KCNH5: variants seen among roughly 807,000 people sequenced by gnomAD.
KCNH5 encodes voltage-gated delayed rectifier potassium channel KCNH5.
Under a neutral mutation model 96.1 loss-of-function variants are expected in KCNH5, and 46 were observed. That is an observed-to-expected ratio of 0.48 (90% confidence interval 0.38 to 0.61). KCNH5 has a LOEUF of 0.61. Among genes scored for constraint, KCNH5 ranks in the 20% least tolerant of loss-of-function variants. KCNH5 has a pLI of 0.00. For synonymous variants in KCNH5, 439 were observed against 449.8 expected, an observed-to-expected ratio of 0.98 and a Z score of 0.30; for missense variants, 907 against 1,225.8, an observed-to-expected ratio of 0.74 and a Z score of 3.88.
At chr14:62,768,570 C>G (rs1366272786) in intron 10 of KCNH5, among the ~76,000 whole-genome samples, 1 of 152,096 alleles carries the variant, frequency 6.6e-6, no homozygotes. Context: ...AAACAAATGT[C>G]TCAAATAGAT....
chr14:62,922,065 TA>T (rs537107040), intron 7 of KCNH5, among the ~76,000 whole-genome samples: 26 of 152,278 alleles, frequency 1.7e-4, no homozygotes, highest in African/African-American at 5.8e-4. Flanking sequence ...TATCCTATGA[TA>T]TAATAATGCA....
intron 7 of KCNH5, among the ~76,000 whole-genome samples, chr14:62,936,599 TGG>T (rs1889684797): frequency 1.4e-5 from 2 of 143,738 alleles, no homozygotes; most frequent in Admixed American, 7.3e-5. Flanking sequence ...TGCTTCAACC[TGG>T]GAGGAGGAGG....
At chr14:62,725,616 G>C (rs571732503) in intron 10 of KCNH5, among the ~76,000 whole-genome samples, 11 of 152,174 alleles carry the variant, frequency 7.2e-5, no homozygotes, top group African/African-American at 2.7e-4. Flanking sequence ...ACAATTTTGA[G>C]AGTCAGCTGA....
chr14:62,961,665 G>C (rs1476510158), intron 6 of KCNH5, among the ~76,000 whole-genome samples: 1 of 152,122 alleles, frequency 6.6e-6, no homozygotes, highest in Non-Finnish European at 1.5e-5. Flanking sequence ...AACAGGACAT[G>C]ATGGACATGA....
intron 1 of KCNH5, among the ~76,000 whole-genome samples, chr14:63,019,515 T>C (rs1397012858): frequency 1.3e-5 from 2 of 151,974 alleles, no homozygotes; most frequent in Non-Finnish European, 2.9e-5. Flanking sequence ...TAAAACAAAA[T>C]GAGTTCAGAA....
intron 2 of KCNH5, 22 bp downstream of exon 2, chr14:63,016,809 A>T: frequency 6.3e-7 from 1 of 1,595,450 alleles, no homozygotes; most frequent in Non-Finnish European, 8.5e-7. Context: ...AGAAAAGATT[A>T]CTTAGCTATT....
chr14:63,038,037 C>T (rs1594687587), intron 1 of KCNH5, among the ~76,000 whole-genome samples: 1 of 152,144 alleles, frequency 6.6e-6, no homozygotes, highest in East Asian at 1.9e-4. Flanking sequence ...ACATGGGATC[C>T]ATTTCATATT....
At chr14:62,922,839 T>G (rs1889405083) in intron 7 of KCNH5, among the ~76,000 whole-genome samples, 1 of 152,134 alleles carries the variant, frequency 6.6e-6, no homozygotes, top group East Asian at 1.9e-4. Flanking sequence ...GCTAACATTA[T>G]ATTCAACGGT....
At position 62,708,155 on chromosome 14, in the gene KCNH5, G is replaced by C. The variant is rs1216576308; in HGVS notation, c.2320C>G (p.Leu774Val). 6.2e-7 allele frequency: 1 copy of C among 1,614,230 alleles called. No individual in the cohort carries two copies. Among genetic ancestry groups the C allele is most frequent in the South Asian group, 1.1e-5 (1 of 91,084 alleles). The change falls in exon 11 of 11, where the codon CTT becomes GTT. Residue 774 changes from leucine to valine, a missense_variant. This residue lies in a region of KCNH5 where 362 missense variants were observed against 394.4 expected (regional missense o/e 0.92). Coordinates refer to ENST00000322893, the MANE Select transcript of KCNH5 (RefSeq NM_139318.5). ...SLAYVKTSESLKQNNRDAMEL... is the reference protein window; with the variant it reads ...SLAYVKTSESVKQNNRDAMEL... ...ATGGCATCACGGTTGTTCTGCTTAA[G>C]GGATTCACTGGTTTTCACATAGGCC...
intron 7 of KCNH5, among the ~76,000 whole-genome samples, chr14:62,939,278 TCTC>T (rs1173946032): frequency 4.6e-5 from 7 of 152,188 alleles, no homozygotes; most frequent in African/African-American, 1.7e-4. Context: ...TGGGTTCTCT[TCTC>T]AGCCCCTCTG....
At chr14:62,956,960 T>C (rs1310876070) in intron 6 of KCNH5, among the ~76,000 whole-genome samples, 2 of 152,342 alleles carry the variant, frequency 1.3e-5, no homozygotes, top group East Asian at 3.9e-4. Flanking sequence ...GCTTTCTGCC[T>C]CTATCCCAGC....
At chr14:62,965,333 G>A (rs891440998) in intron 6 of KCNH5, among the ~76,000 whole-genome samples, 10 of 151,972 alleles carry the variant, frequency 6.6e-5, no homozygotes, top group African/African-American at 2.4e-4. Context: ...CATGGTAGTG[G>A]GTGAGTTCTC....
At chr14:62,860,221 C>A (rs1170254863) in intron 7 of KCNH5, among the ~76,000 whole-genome samples, 1 of 152,154 alleles carries the variant, frequency 6.6e-6, no homozygotes, top group East Asian at 1.9e-4. Context: ...GACGGCAGGG[C>A]CTTGCTCCAA....
chr14:62,727,759 A>T (rs1425455318), intron 10 of KCNH5, among the ~76,000 whole-genome samples: 1 of 147,532 alleles, frequency 6.8e-6, no homozygotes, highest in African/African-American at 2.5e-5. Context: ...AAATAACGAC[A>T]CTGCTTACAG....
At chr14:62,975,539 A>G (rs2139562011) in intron 6 of KCNH5, among the ~76,000 whole-genome samples, 1 of 152,220 alleles carries the variant, frequency 6.6e-6, no homozygotes, top group African/African-American at 2.4e-5. Context: ...AATAAAAGAC[A>G]ATAATAATTT....
intron 9 of KCNH5, among the ~76,000 whole-genome samples, chr14:62,791,738 A>G (rs1241840748): frequency 6.6e-6 from 1 of 151,734 alleles, no homozygotes; most frequent in Non-Finnish European, 1.5e-5. Context: ...CTGTAAATAT[A>G]TATGTACCCA....
intron 7 of KCNH5, among the ~76,000 whole-genome samples, chr14:62,928,291 G>A (rs892672611): frequency 2.8e-4 from 42 of 151,990 alleles, no homozygotes; most frequent in Non-Finnish European, 4.0e-4. Flanking sequence ...TTGGTGAGGT[G>A]CTGAAAAAGA....
chr14:62,720,599 G>T (rs747478456), intron 10 of KCNH5, among the ~76,000 whole-genome samples: 14 of 152,222 alleles, frequency 9.2e-5, no homozygotes, highest in Non-Finnish European at 1.5e-4. Context: ...GAAAAAAAGA[G>T]ACTTTTTGAG....
chr14:63,038,102 T>C (rs1396485651), intron 1 of KCNH5, among the ~76,000 whole-genome samples: 2 of 152,236 alleles, frequency 1.3e-5, no homozygotes, highest in African/African-American at 2.4e-5. Flanking sequence ...GTGTGGTTTC[T>C]GTTTTCAGAT....
Sources: allele counts gnomAD v4.1 joint callset (sites outside exome capture counted in the v4.1 genomes callset), GRCh38; gene constraint gnomAD v4.1.1; regional missense constraint gnomAD v4.1.1; transcripts MANE v1.5; gene names NCBI Gene and HGNC (gene_info 2026-07-23, HGNC 2026-07-21).